Variants in GALNT13 observed in about 807,000 individuals in gnomAD.
GALNT13 encodes UDP-GalNAc:polypeptide N-acetylgalactosaminyltransferase 13.
A neutral mutation model predicts 64.2 loss-of-function variants in GALNT13; 28 were observed. That is an observed-to-expected ratio of 0.44 (90% CI 0.32 to 0.60). The LOEUF (loss-of-function observed/expected upper bound fraction) is 0.60. GALNT13 is among the 20% of genes least tolerant of loss of function. The pLI, the probability that GALNT13 is intolerant of heterozygous loss-of-function variation, is 0.05. For synonymous variants in GALNT13, 214 were observed against 224.6 expected (o/e 0.95, Z 0.42); for missense variants, 577 against 669.8 (o/e 0.86, Z 1.53).
chr2:154,377,774 G>A (rs1221804387), intron 9 of GALNT13, among the ~76,000 whole-genome samples: 2 of 152,060 alleles, frequency 1.3e-5, no homozygotes, highest in Non-Finnish European at 2.9e-5. Flanking sequence ...TTCCCTTCTA[G>A]TATGAAGACA....
the GALNT13 span, among the ~76,000 whole-genome samples, chr2:153,625,732 C>CT: frequency 4.8e-3 from 715 of 149,344 alleles, 4 homozygotes; most frequent in African/African-American, 0.016. Flanking sequence ...TCTCAGTCTT[C>CT]TTTTTTTTTT....
the GALNT13 span, among the ~76,000 whole-genome samples, chr2:153,328,778 G>A: frequency 6.6e-6 from 1 of 152,064 alleles, no homozygotes; most frequent in Non-Finnish European, 1.5e-5. Context: ...AGACCACTCG[G>A]CTCCCTAGCT....
chr2:153,071,732 G>A, the GALNT13 span, among the ~76,000 whole-genome samples: 2 of 152,198 alleles, frequency 1.3e-5, no homozygotes, highest in Non-Finnish European at 2.9e-5. Flanking sequence ...ACAGAGGTTG[G>A]ATAAACTGTG....
chr2:153,407,012 A>G, the GALNT13 span, among the ~76,000 whole-genome samples: 4 of 152,134 alleles, frequency 2.6e-5, no homozygotes, highest in African/African-American at 9.7e-5. Flanking sequence ...AAATTATCTT[A>G]AATATTAAGA....
chr2:153,492,692 T>C, the GALNT13 span, among the ~76,000 whole-genome samples: 1 of 152,168 alleles, frequency 6.6e-6, no homozygotes, highest in African/African-American at 2.4e-5. Flanking sequence ...TAAGTGGCAA[T>C]AGTCTTGACT....
At chr2:153,181,207 T>A in the GALNT13 span, among the ~76,000 whole-genome samples, 1 of 148,508 alleles carries the variant, frequency 6.7e-6, no homozygotes, top group East Asian at 1.9e-4. Context: ...TATATTTTCA[T>A]TTTCATTTGT....
the GALNT13 span, among the ~76,000 whole-genome samples, chr2:153,444,259 T>C: frequency 6.6e-6 from 1 of 152,186 alleles, no homozygotes; most frequent in Non-Finnish European, 1.5e-5. Flanking sequence ...ATAGTTAATG[T>C]TTATCTCCCT....
At chr2:153,911,267 A>C (rs1688917332) in intron 2 of GALNT13, among the ~76,000 whole-genome samples, 1 of 152,012 alleles carries the variant, frequency 6.6e-6, no homozygotes, top group African/African-American at 2.4e-5. Context: ...CTTGGTAGAC[A>C]TTTCCCCATC....
intron 9 of GALNT13, among the ~76,000 whole-genome samples, chr2:154,344,876 T>C (rs1695979723): frequency 6.6e-6 from 1 of 151,826 alleles, no homozygotes; most frequent in South Asian, 2.1e-4. Flanking sequence ...TTTAGAAGAG[T>C]TAACTGGTAA....
At chr2:153,154,764 T>C in the GALNT13 span, among the ~76,000 whole-genome samples, 1 of 152,188 alleles carries the variant, frequency 6.6e-6, no homozygotes, top group South Asian at 2.1e-4. Flanking sequence ...CTTCCAATTC[T>C]ATGTTGAATA....
the GALNT13 span, among the ~76,000 whole-genome samples, chr2:153,748,488 A>G: frequency 2.6e-5 from 4 of 152,132 alleles, no homozygotes; most frequent in Admixed American, 6.6e-5. Flanking sequence ...GTGAGATGAT[A>G]TCTCATTATA....
intron 3 of GALNT13, among the ~76,000 whole-genome samples, chr2:154,020,025 A>G (rs537228555): frequency 4.7e-4 from 72 of 152,288 alleles, no homozygotes; most frequent in South Asian, 1.9e-3. Context: ...TACAAAGGAC[A>G]TGAACTCATC....
At chr2:154,318,922 CACAT>C (rs1574080107) in intron 9 of GALNT13, among the ~76,000 whole-genome samples, 2 of 151,916 alleles carry the variant, frequency 1.3e-5, no homozygotes, top group East Asian at 3.9e-4. Flanking sequence ...TATATATACA[CACAT>C]ATGTATACAG....
chr2:154,252,444 C>A (rs918760708), intron 7 of GALNT13, among the ~76,000 whole-genome samples: 7 of 151,678 alleles, frequency 4.6e-5, no homozygotes, highest in Non-Finnish European at 7.4e-5. Context: ...GCAAGCTCCG[C>A]CTCCCGGATT....
chr2:153,133,973 A>G, the GALNT13 span, among the ~76,000 whole-genome samples: 2 of 152,202 alleles, frequency 1.3e-5, no homozygotes, highest in East Asian at 1.9e-4. Context: ...TTTGGAATGC[A>G]TATCACTACC....
At chr2:154,077,390 G>A (rs1347488370) in intron 3 of GALNT13, among the ~76,000 whole-genome samples, 1 of 151,418 alleles carries the variant, frequency 6.6e-6, no homozygotes, top group Non-Finnish European at 1.5e-5. Flanking sequence ...TCCTCATGGA[G>A]AAGTGATCAT....
At chr2:154,065,605 A>G (rs1700419430) in intron 3 of GALNT13, among the ~76,000 whole-genome samples, 1 of 152,206 alleles carries the variant, frequency 6.6e-6, no homozygotes, top group African/African-American at 2.4e-5. Flanking sequence ...GATCTTATGC[A>G]GTATCACCAA....
At chr2:153,713,459 C>T in the GALNT13 span, among the ~76,000 whole-genome samples, 2 of 152,190 alleles carry the variant, frequency 1.3e-5, no homozygotes, top group South Asian at 2.1e-4. Context: ...TGGTGACTCT[C>T]ATGGTTCCAT....
At chr2:154,142,178 A>G (rs1271202664) in intron 4 of GALNT13, among the ~76,000 whole-genome samples, 3 of 152,188 alleles carry the variant, frequency 2.0e-5, no homozygotes, top group Non-Finnish European at 2.9e-5. Flanking sequence ...CTAGTGGGCT[A>G]CATTACACTA....
Sources: allele counts gnomAD v4.1 joint callset (sites outside exome capture counted in the v4.1 genomes callset), GRCh38; gene constraint gnomAD v4.1.1; transcripts MANE v1.5; gene names NCBI Gene and HGNC (gene_info 2026-07-23, HGNC 2026-07-21).